Variants in BRD2 observed in about 807,000 individuals in gnomAD.
The protein encoded by BRD2 is bromodomain containing 2, also known as bromodomain-containing protein 2.
In BRD2, 15 loss-of-function variants were observed where a neutral mutation model predicts 79.1. The observed-to-expected ratio is 0.19, with a 90% confidence interval of 0.13 to 0.29. The LOEUF is 0.29. BRD2 is among the 10% of genes least tolerant of loss of function. The pLI is 1.00. For missense variants in BRD2, 1,053 were observed against 991.3 expected (o/e 1.06, Z -0.84); for synonymous variants, 488 against 358.6 (o/e 1.36, Z -4.08).
intron 8 of BRD2, 63 bp from the exon 9 acceptor site, chr6:32,977,694 T>C: frequency 6.2e-7 from 1 of 1,606,506 alleles, no homozygotes; most frequent in Non-Finnish European, 8.5e-7. Context: ...GCTATATCAC[T>C]TGGTGGCTGG....
rs1467879601 is a variant in BRD2, at chr6:32,972,608, G to C, written c.-291G>C. ...TATATTGACGACGGTGTCTGAGATC[G>C]GGGACCGTCTTTTGAAGAGTCAGTC... is the stretch of plus-strand genomic sequence containing the variant. On this transcript the variant is annotated 5_prime_UTR_variant, in exon 2 of 13. Coordinates refer to ENST00000374825, the MANE Select transcript of BRD2 (RefSeq NM_005104.4). 8.9e-6 allele frequency: 5 copies of C among 561,614 alleles called. No homozygotes were observed. Among genetic ancestry groups the C allele is most frequent in the Non-Finnish European group, 1.6e-5 (5 of 315,198 alleles). The allele number at this position is 561,614 out of a possible 1,614,324, so 34.8% of individuals were successfully genotyped here.
Position 32,980,639 on chromosome 6 carries a change from C to T in BRD2, c.2327C>T (p.Ala776Val), listed in dbSNP as rs1175110214. The T allele has an allele frequency of 1.9e-6, 3 of 1,613,062 alleles. No individual in the cohort carries two copies. In the South Asian group the frequency reaches 3.3e-5, roughly 18 times the overall value. ...AQQVAVSRLS[A>V]SSSSSDSSSS... Reference sequence around the variant, plus strand: ...CAAGTAGCAGTGTCACGCCTTAGCGCTTCCAGCTCCAGCTCAGATTCCAGC... The same window carrying T: ...CAAGTAGCAGTGTCACGCCTTAGCGTTTCCAGCTCCAGCTCAGATTCCAGC... Residue 776 changes from alanine (A) to valine (V), a missense_variant, in exon 13 of 13, where the codon GCT becomes GTT. This residue lies in a region of BRD2 where 139 missense variants were observed against 133.2 expected (regional missense o/e 1.04). Transcript: ENST00000374825.
intron 2 of BRD2, among the ~76,000 whole-genome samples, chr6:32,973,518 G>A (rs1232888764): frequency 6.6e-6 from 1 of 152,180 alleles, no homozygotes; most frequent in African/African-American, 2.4e-5. Context: ...TTCAGGGCAG[G>A]AGGGTAGAGC....
In BRD2 at chr6:32,974,578, C is replaced by G. The variant is rs3918144; in HGVS notation, c.146C>G (p.Ala49Gly). 25,083 of 1,614,232 alleles carry G rather than the reference C, an allele frequency of 0.016. 270 individuals are homozygous for G. The highest frequency in any genetic ancestry group is 0.036 in the South Asian group (3,240 of 91,082). ...LYEGFESPTM[A>G]SVPALQLTPA... The stretch of plus-strand genomic sequence containing the variant: ...GAGGGCTTTGAGAGCCCCACAATGG[C>G]TTCGGTGCCTGCTTTGCAACTTACC... Residue 49 changes from alanine (A) to glycine (G), a missense_variant, in exon 3 of 13, where the codon GCT becomes GGT. This residue lies in a region of BRD2 where 413 missense variants were observed against 335.1 expected (regional missense o/e 1.23). Transcript: ENST00000374825.
In BRD2 at chr6:32,976,313, C is replaced by T. The variant is rs1202766128; in HGVS notation, c.674C>T (p.Ala225Val). 1.2e-6 allele frequency: 2 copies of T among 1,612,936 alleles called. No individual in the cohort carries two copies. Among genetic ancestry groups the T allele is most frequent in the Non-Finnish European group, 8.5e-7 (1 of 1,180,036 alleles). ...VPAVSSVSHT[A>V]LYTPPPEIPT... Reference sequence around the variant, plus strand: ...GCCGTCTCTTCTGTGTCACACACAGCCCTGTATACTCCTCCACCTGAGATA... The same window carrying T: ...GCCGTCTCTTCTGTGTCACACACAGTCCTGTATACTCCTCCACCTGAGATA... The change falls in exon 6 of 13, where the codon GCC (alanine) becomes GTC (valine). Residue 225 changes from alanine (A) to valine (V), a missense_variant. Physicochemically the swap from Ala to Val is moderately conservative, Grantham distance 64. This residue lies in a region of BRD2 where 413 missense variants were observed against 335.1 expected (regional missense o/e 1.23). Coordinates refer to ENST00000374825, the MANE Select transcript of BRD2 (RefSeq NM_005104.4).
chr6:32,976,402 C>T lies in BRD2; in HGVS notation c.763C>T (p.His255Tyr). 1 of 1,612,806 alleles carries T rather than the reference C, an allele frequency of 6.2e-7. No individual in the cohort carries two copies. The highest frequency in any genetic ancestry group is 8.5e-7 in the Non-Finnish European group (1 of 1,180,034). ...TTCCTCTCCACTTCTCAAGTCCTTG[C>T]ACTCTGCTGGACCCCCGCTCCTTGC... ...VISSPLLKSL[H>Y]SAGPPLLAVT... The change falls in exon 6 of 13, where the codon CAC becomes TAC. Residue 255 changes from histidine (H) to tyrosine (Y), a missense_variant. By Grantham distance (83) the His-to-Tyr change is moderately conservative. Coordinates refer to ENST00000374825, the MANE Select transcript of BRD2 (RefSeq NM_005104.4).
chr6:32,972,008 T>C lies in BRD2; in HGVS notation c.-891T>C, dbSNP rs1049278. On this transcript the variant is annotated 5_prime_UTR_variant, in exon 2 of 13. Transcript: ENST00000374825. ...GGAAATGAAGTTTATGACGTCATCG[T>C]TGCGGCTGGCCAATAGAAAAAGCTC... 6.9e-3 allele frequency: 4,859 copies of C among 702,464 alleles called. 49 individuals carry two copies. The highest frequency in any genetic ancestry group is 0.033 in the African/African-American group (1,868 of 57,282). The allele number at this position is 702,464 out of a possible 1,614,324, so 43.5% of individuals were successfully genotyped here. A position where few individuals can be genotyped will look rare whatever the true frequency, so the allele number is the denominator to read the frequency against.
Position 32,976,243 on chromosome 6 carries a change from T to C in BRD2, c.611-7T>C, listed in dbSNP as rs763536267. 6.2e-7 allele frequency: 1 copy of C among 1,611,386 alleles called. No homozygotes were observed. Among genetic ancestry groups the C allele is most frequent in the East Asian group, 2.2e-5 (1 of 44,846 alleles). On this transcript the variant is annotated splice_polypyrimidine_tract_variant and splice_region_variant and intron_variant, in intron 5 of 12. Coordinates refer to ENST00000374825, the MANE Select transcript of BRD2 (RefSeq NM_005104.4). ...GAATCAAACTACACTTTTTTCCTTTTTTCTAGCGCTCCAGGGCAGTGTTAC... is the reference window on the plus strand; with the variant it reads ...GAATCAAACTACACTTTTTTCCTTTCTTCTAGCGCTCCAGGGCAGTGTTAC...
intron 3 of BRD2, 111 bp from the exon 4 acceptor site, chr6:32,975,273 A>T: frequency 9.2e-7 from 1 of 1,088,752 alleles, no homozygotes; most frequent in Non-Finnish European, 1.3e-6. Flanking sequence ...TGTTCCTTTG[A>T]TGCATAGGGG....
At chr6:32,978,042 A>AGTG (rs1285343612) in intron 9 of BRD2, 37 bp downstream of exon 9, 1 of 1,604,562 alleles carries the variant, frequency 6.2e-7, no homozygotes, top group South Asian at 1.1e-5. Context: ...ATTGGGTAAG[A>AGTG]GGTTCATGCC....
intron 1 of BRD2, chr6:32,971,344 G>A: frequency 2.7e-6 from 1 of 368,628 alleles, no homozygotes; most frequent in Non-Finnish European, 4.8e-6. Context: ...GTGCTTGGAC[G>A]TGCAAATTTG....
In BRD2 at chr6:32,968,650, A is replaced by T. The variant is rs1013568706; in HGVS notation, c.-1711A>T. On this transcript the variant is annotated 5_prime_UTR_variant, in exon 1 of 13. Transcript: ENST00000374825. ...TCGTATGGAGAGGCGAGTGGGGGGG[A>T]CAGAGTCCAGGACTGCGGGATAGGA... 1 of 152,750 alleles carries T rather than the reference A, an allele frequency of 6.5e-6. No individual in the cohort carries two copies. The highest frequency in any genetic ancestry group is 1.5e-5 in the Non-Finnish European group (1 of 68,604). The allele number at this position is 152,750 out of a possible 1,614,324, so 9.5% of individuals were successfully genotyped here.
At chr6:32,971,461 ACT>A (rs1777962222) in intron 1 of BRD2, 132 bp from the exon 2 acceptor site, 7 of 402,870 alleles carry the variant, frequency 1.7e-5, no homozygotes, top group Non-Finnish European at 2.6e-5. Flanking sequence ...GTATTATAAG[ACT>A]CTGGCAACAC....
At position 32,977,272 on chromosome 6, in the gene BRD2, C is replaced by T. The variant is rs116004980; in HGVS notation, c.1201-170C>T. On this transcript the variant is annotated intron_variant, in intron 7 of 12. Coordinates refer to ENST00000374825, the MANE Select transcript of BRD2 (RefSeq NM_005104.4). ...TTTCTTTTTCTAGACATAAATATTT[C>T]TTCAACCCACCCAAATTCCTTTGAC... The T allele has an allele frequency of 2.1e-4, 331 of 1,563,138 alleles. 3 individuals carry two copies. The highest frequency in any genetic ancestry group is 1.2e-3 in the South Asian group (101 of 86,918).
intron 1 of BRD2, chr6:32,970,267 A>ACC (rs1777824890): frequency 6.6e-6 from 1 of 152,204 alleles, no homozygotes; most frequent in Non-Finnish European, 1.5e-5. Context: ...TGCTGCAGCC[A>ACC]CCCAAACGGG....
At position 32,974,485 on chromosome 6, in the gene BRD2, G is replaced by C. The variant is rs776906957; in HGVS notation, c.53G>C (p.Gly18Ala). ...HNKLPGEGNA[G>A]LLGLGPEAAA... ...AGGCTCCCTGGGGAAGGGAATGCAG[G>C]GTTGCTGGGGCTGGGCCCAGAAGCA... The change falls in exon 3 of 13, where the codon GGG becomes GCG. Residue 18 changes from glycine to alanine, a missense_variant. Coordinates refer to ENST00000374825, the MANE Select transcript of BRD2 (RefSeq NM_005104.4). 6 of 1,612,152 alleles carry C rather than the reference G, an allele frequency of 3.7e-6. No homozygotes were observed. The highest frequency in any genetic ancestry group is 5.1e-6 in the Non-Finnish European group (6 of 1,178,416).
At position 32,981,174 on chromosome 6, in the gene BRD2, ATTTT is replaced by A. The variant is rs3841159; in HGVS notation, c.*464_*467del. 6.7e-6 allele frequency: 1 copy of A among 149,286 alleles called. No homozygotes were observed. Among genetic ancestry groups the A allele is most frequent in the African/African-American group, 2.5e-5 (1 of 39,726 alleles). The allele number at this position is 149,286 out of a possible 1,614,324, so 9.2% of individuals were successfully genotyped here. On this transcript the variant is annotated 3_prime_UTR_variant, in exon 13 of 13. Transcript: ENST00000374825. ...AAGGGGGAGCTCTTTTTTTACGTTG[ATTTT>A]TTTTTTTCTACTCTGTTTTCCCTTT...
rs769572585 is a variant in BRD2 at position 32,977,796 on chromosome 6, C to T, written c.1369C>T (p.Pro457Ser). The T allele has an allele frequency of 3.1e-6, 5 of 1,613,090 alleles. No individual in the cohort carries two copies. The South Asian group carries it at 3.3e-5, about 11-fold the overall frequency. The change falls in exon 9 of 13, where the codon CCA becomes TCA. Residue 457 changes from proline (P) to serine (S), a missense_variant. Transcript: ENST00000374825. The stretch of plus-strand genomic sequence containing the variant: ...CCGTTATGCCAAGATGCCAGATGAA[C>T]CACTAGAACCAGGGCCTTTACCAGT... ...EFRYAKMPDE[P>S]LEPGPLPVST...
intron 2 of BRD2, among the ~76,000 whole-genome samples, chr6:32,974,199 T>C (rs1212116701): frequency 2.0e-5 from 3 of 152,120 alleles, no homozygotes; most frequent in Non-Finnish European, 4.4e-5. Context: ...GGGAGTTTTT[T>C]AAAATATGAA....
Sources: gnomAD v4.1 joint callset for allele counts (sites outside exome capture counted in the v4.1 genomes callset) on GRCh38, gnomAD v4.1.1 for gene constraint, gnomAD v4.1.1 regional missense constraint, MANE v1.5 for transcripts, NCBI Gene and HGNC (gene_info 2026-07-23, HGNC 2026-07-21) for gene names.